Variants in CLVS1 observed in about 807,000 individuals in gnomAD.
The protein encoded by CLVS1 is clavesin 1.
A neutral mutation model predicts 33.1 loss-of-function variants in CLVS1; 10 were observed. The observed-to-expected ratio is 0.30, with a 90% CI of 0.19 to 0.51. The LOEUF (loss-of-function observed/expected upper bound fraction) is 0.51, where lower values mean the gene tolerates loss of function less well. CLVS1 is among the 20% of genes least tolerant of loss of function. The pLI is 0.97. For missense variants in CLVS1, 343 were observed against 433.4 expected, an observed-to-expected ratio of 0.79 and a Z score of 1.85; for synonymous variants, 163 against 166.1, an observed-to-expected ratio of 0.98 and a Z score of 0.14.
intron 3 of CLVS1, among the ~76,000 whole-genome samples, chr8:61,448,372 G>A (rs1339225560): frequency 2.6e-5 from 4 of 152,002 alleles, no homozygotes; most frequent in Non-Finnish European, 4.4e-5. Context: ...GGACTCCAAT[G>A]ACACAAATTT....
At chr8:61,400,469 C>A (rs1002711746) in intron 3 of CLVS1, among the ~76,000 whole-genome samples, 1 of 152,144 alleles carries the variant, frequency 6.6e-6, no homozygotes, top group South Asian at 2.1e-4. Flanking sequence ...AAGATTATGT[C>A]ATCTTCAAAC....
At chr8:61,283,079 G>C (rs773461769), upstream of CLVS1, among the ~76,000 whole-genome samples, 1 of 152,174 alleles carries the variant, frequency 6.6e-6, no homozygotes. Flanking sequence ...TGTCTTTACT[G>C]TAGCAATTCA....
At chr8:61,396,670 C>T (rs1373996274) in intron 3 of CLVS1, among the ~76,000 whole-genome samples, 3 of 152,180 alleles carry the variant, frequency 2.0e-5, no homozygotes, top group African/African-American at 7.2e-5. Flanking sequence ...TTCATAACCA[C>T]TAACAATCAT....
intron 2 of CLVS1, among the ~76,000 whole-genome samples, chr8:61,275,879 G>A (rs1378561408): frequency 6.6e-6 from 1 of 152,124 alleles, no homozygotes; most frequent in Admixed American, 6.5e-5. Context: ...CCGTCATGTT[G>A]CTCGTGCAAT....
rs147669559 is a variant in CLVS1 at position 61,358,772 on chromosome 8, G to A, written c.456-17833G>A. Among the ~76,000 whole-genome samples the A allele has an allele frequency of 9.8e-4, 149 of 152,274 alleles. 3 individuals are homozygous for A. The East Asian group carries it at 0.024, about 25-fold the overall frequency. ...ACTCAAGTGATCAAGACACTATGAG[G>A]CTGGGTGTTGGATACATCAGGCACA... On this transcript the variant is annotated intron_variant, in intron 2 of 5. Coordinates refer to ENST00000325897, the MANE Select transcript of CLVS1 (RefSeq NM_173519.3).
intron 2 of CLVS1, among the ~76,000 whole-genome samples, chr8:61,343,466 C>A (rs1005603672): frequency 6.6e-6 from 1 of 152,174 alleles, no homozygotes; most frequent in Non-Finnish European, 1.5e-5. Context: ...GATTCAGTTA[C>A]TGCTGAGAGT....
chr8:61,233,519 A>T (rs1432890609), intron 2 of CLVS1, among the ~76,000 whole-genome samples: 1 of 151,686 alleles, frequency 6.6e-6, no homozygotes, highest in Non-Finnish European at 1.5e-5. Context: ...CAAAAAAAAA[A>T]AAAAAGAAAG....
At position 61,356,654 on chromosome 8, in the gene CLVS1, C is replaced by A. The variant is rs1812720457; in HGVS notation, c.456-19951C>A. Reference sequence around the variant, plus strand: ...ATATGGTTAGCCAGTTTTCCCAGCACCATTTATTAAATAGGGAATCCTTTC... The same window carrying A: ...ATATGGTTAGCCAGTTTTCCCAGCAACATTTATTAAATAGGGAATCCTTTC... On this transcript the variant is annotated intron_variant, in intron 2 of 5. Coordinates refer to ENST00000325897, the MANE Select transcript of CLVS1 (RefSeq NM_173519.3). Among the ~76,000 whole-genome samples, 7 of 152,214 alleles carry A rather than the reference C, an allele frequency of 4.6e-5. No homozygotes were observed. The South Asian group carries it at 1.2e-3, about 27-fold the overall frequency.
chr8:61,277,706 C>T (rs1434614422), intron 2 of CLVS1, among the ~76,000 whole-genome samples: 1 of 152,142 alleles, frequency 6.6e-6, no homozygotes, highest in Non-Finnish European at 1.5e-5. Context: ...CTCAAGTAAA[C>T]TCATCCTTTC....
chr8:61,477,731 G>A (rs1176394716), intron 5 of CLVS1, among the ~76,000 whole-genome samples: 3 of 151,812 alleles, frequency 2.0e-5, no homozygotes, highest in African/African-American at 4.8e-5. Context: ...CAATTTTGTC[G>A]ATCTTTTCAA....
At chr8:61,047,787 T>C in the CLVS1 span, among the ~76,000 whole-genome samples, 1 of 152,120 alleles carries the variant, frequency 6.6e-6, no homozygotes, top group South Asian at 2.1e-4. Context: ...CTCTGGGGAC[T>C]GTTGTGGGTT....
At chr8:61,118,459 A>T (rs1805787382) in intron 1 of CLVS1, among the ~76,000 whole-genome samples, 1 of 145,550 alleles carries the variant, frequency 6.9e-6, no homozygotes, top group South Asian at 2.2e-4. Context: ...TTTAATTGTG[A>T]TGTTAGGGTG....
intron 1 of CLVS1, among the ~76,000 whole-genome samples, chr8:61,296,325 G>A (rs1810209025): frequency 1.3e-5 from 2 of 152,204 alleles, no homozygotes; most frequent in South Asian, 2.1e-4. Flanking sequence ...ATTATAGATT[G>A]GAGGCATAGC....
intron 2 of CLVS1, among the ~76,000 whole-genome samples, chr8:61,347,653 TATA>T (rs1812272152): frequency 8.9e-6 from 1 of 112,154 alleles, no homozygotes; most frequent in African/African-American, 3.6e-5. Context: ...TATATATATA[TATA>T]TATATATATA....
chr8:61,271,534 C>T (rs1445295883), intron 2 of CLVS1, among the ~76,000 whole-genome samples: 1 of 147,626 alleles, frequency 6.8e-6, no homozygotes, highest in Non-Finnish European at 1.5e-5. Context: ...ATTAGGTCTG[C>T]TTGGTGCATA....
At chr8:61,068,228 T>TATATATATAC (rs1563390794) in intron 1 of CLVS1, among the ~76,000 whole-genome samples, 1 of 52,636 alleles carries the variant, frequency 1.9e-5, no homozygotes, top group African/African-American at 1.9e-4. Context: ...TGTATGTATG[T>TATATATATAC]GTATATATAT....
At chr8:61,257,157 G>A (rs1809100154) in intron 2 of CLVS1, among the ~76,000 whole-genome samples, 1 of 152,108 alleles carries the variant, frequency 6.6e-6, no homozygotes, top group East Asian at 1.9e-4. Flanking sequence ...CAGATTGTGG[G>A]GATAATGCTA....
At chr8:61,095,373 G>T (rs536185668) in intron 1 of CLVS1, among the ~76,000 whole-genome samples, 12 of 152,330 alleles carry the variant, frequency 7.9e-5, no homozygotes, top group African/African-American at 2.9e-4. Context: ...GGCAGGGCTG[G>T]CAGTCTCTCA....
intron 3 of CLVS1, among the ~76,000 whole-genome samples, chr8:61,451,166 T>TA (rs1361339260): frequency 1.3e-5 from 2 of 150,726 alleles, no homozygotes; most frequent in East Asian, 1.9e-4. Context: ...TTAAAATGAT[T>TA]AAAAAAAAAG....
Sources: gnomAD v4.1 joint callset for allele counts (sites outside exome capture counted in the v4.1 genomes callset) on GRCh38, gnomAD v4.1.1 for gene constraint, MANE v1.5 for transcripts, NCBI Gene and HGNC (gene_info 2026-07-23, HGNC 2026-07-21) for gene names.